CNTLN: variants seen among roughly 807,000 people sequenced by gnomAD.
CNTLN encodes centlein, centrosomal protein.
CNTLN carries 212 observed loss-of-function variants against 180.0 expected under a neutral mutation model. The ratio of observed to expected loss-of-function variants is 1.18; its 90% CI spans 1.05 to 1.32. The LOEUF is 1.32. CNTLN is among the 40% of genes most tolerant of loss of function. The pLI is 0.00. For synonymous variants in CNTLN, 722 were observed against 563.1 expected, an observed-to-expected ratio of 1.28 and a Z score of -3.99; for missense variants, 2,095 against 1,610.9, an observed-to-expected ratio of 1.30 and a Z score of -5.14.
chr9:17,321,692 G>A (rs976430607), intron 8 of CNTLN, among the ~76,000 whole-genome samples: 1 of 152,266 alleles, frequency 6.6e-6, no homozygotes, highest in Non-Finnish European at 1.5e-5. Flanking sequence ...AGGTGGTAGG[G>A]AGAAGATCTG....
At chr9:17,451,565 A>G (rs960677588) in intron 18 of CNTLN, among the ~76,000 whole-genome samples, 1 of 152,136 alleles carries the variant, frequency 6.6e-6, no homozygotes, top group African/African-American at 2.4e-5. Context: ...AGAGTACATT[A>G]TTGTTATAGA....
intron 7 of CNTLN, chr9:17,300,895 C>T: frequency 1.2e-6 from 1 of 818,670 alleles, no homozygotes. Context: ...GAAAGCTTTC[C>T]TGCCCAGTTA....
chr9:17,302,835 T>G (rs1328232750), intron 7 of CNTLN, among the ~76,000 whole-genome samples: 1 of 152,170 alleles, frequency 6.6e-6, no homozygotes, highest in Admixed American at 6.6e-5. Context: ...TCCAGTTAGA[T>G]CACAGTTATA....
At chr9:17,500,922 CT>C (rs1166025685) in intron 25 of CNTLN, among the ~76,000 whole-genome samples, 1 of 152,058 alleles carries the variant, frequency 6.6e-6, no homozygotes, top group Non-Finnish European at 1.5e-5. Flanking sequence ...CAAGGTAACT[CT>C]TTTTTACATC....
At chr9:17,501,843 T>G (rs1833767449) in intron 25 of CNTLN, among the ~76,000 whole-genome samples, 1 of 152,190 alleles carries the variant, frequency 6.6e-6, no homozygotes, top group Non-Finnish European at 1.5e-5. Context: ...CATTTCAGAT[T>G]GTCTTTTACT....
chr9:17,396,546 T>G (rs1216564393), intron 15 of CNTLN, among the ~76,000 whole-genome samples: 1 of 152,216 alleles, frequency 6.6e-6, no homozygotes, highest in Admixed American at 6.5e-5. Flanking sequence ...TTTAAATCCC[T>G]AATAGTGATT....
intron 25 of CNTLN, among the ~76,000 whole-genome samples, chr9:17,499,673 A>G (rs775087951): frequency 2.6e-5 from 4 of 152,148 alleles, no homozygotes; most frequent in Non-Finnish European, 4.4e-5. Flanking sequence ...ACATAAGTAG[A>G]TTTTACAAAA....
intron 18 of CNTLN, among the ~76,000 whole-genome samples, chr9:17,449,829 G>A (rs1213987355): frequency 1.3e-5 from 2 of 152,082 alleles, no homozygotes; most frequent in Non-Finnish European, 2.9e-5. Context: ...TGCTATAAAG[G>A]CATATAATGT....
chr9:17,337,135 C>T lies in CNTLN; in HGVS notation c.1645-3692C>T, dbSNP rs144698513. Among the ~76,000 whole-genome samples, 236 of 152,086 alleles carry T rather than the reference C, an allele frequency of 1.6e-3. 3 individuals carry two copies. The highest frequency in any genetic ancestry group is 5.0e-3 in the African/African-American group (209 of 41,498). ...TTGAGAAGTGTCTGTTCATATCCTT[C>T]GCCCACTTTTTGATGGGGTTGTTTG... On this transcript the variant is annotated intron_variant, in intron 10 of 25. Transcript: ENST00000380647.
intron 11 of CNTLN, among the ~76,000 whole-genome samples, chr9:17,342,026 C>G (rs544302052): frequency 1.3e-5 from 2 of 151,810 alleles, no homozygotes; most frequent in African/African-American, 4.8e-5. Flanking sequence ...CGGGGGGGAC[C>G]GTTAAAATTC....
intron 1 of CNTLN, among the ~76,000 whole-genome samples, chr9:17,141,971 A>G (rs1469164924): frequency 6.6e-6 from 1 of 151,482 alleles, no homozygotes; most frequent in African/African-American, 2.4e-5. Flanking sequence ...AGTTCCAGCT[A>G]CTCAGGAGGC....
At chr9:17,412,071 T>C (rs1200987775) in intron 16 of CNTLN, among the ~76,000 whole-genome samples, 1 of 148,192 alleles carries the variant, frequency 6.7e-6, no homozygotes, top group African/African-American at 2.5e-5. Context: ...ATTAACTAAG[T>C]CCCCCTCCAT....
chr9:17,509,118 G>C, the CNTLN span, among the ~76,000 whole-genome samples: 1 of 152,216 alleles, frequency 6.6e-6, no homozygotes, highest in South Asian at 2.1e-4. Flanking sequence ...TGGCCATGGT[G>C]GCAGGGATAG....
intron 13 of CNTLN, among the ~76,000 whole-genome samples, chr9:17,384,855 A>G (rs1404740644): frequency 6.6e-6 from 1 of 152,046 alleles, no homozygotes; most frequent in Non-Finnish European, 1.5e-5. Flanking sequence ...CAACTAACTC[A>G]TTGCTTCTCT....
At chr9:17,350,554 A>G (rs553872010) in intron 12 of CNTLN, among the ~76,000 whole-genome samples, 3 of 152,150 alleles carry the variant, frequency 2.0e-5, no homozygotes, top group Non-Finnish European at 4.4e-5. Flanking sequence ...AAAAAGAGGT[A>G]ACGCAAATCT....
rs914974313 is a variant in CNTLN at position 17,394,645 on chromosome 9, C to T, written c.2191C>T (p.Gln731Ter). Residue 731 changes from glutamine to a stop codon, truncating the protein, a stop_gained, in exon 15 of 26, where the codon CAG becomes TAG. Transcript: ENST00000380647. LOFTEE classifies it high-confidence loss of function. ...ENDFLKSLLK[Q>*]QQEDTETREK... Reference sequence around the variant, plus strand: ...TGATTTTCTGAAATCCCTCTTAAAACAGCAACAAGAAGATACAGAGACCAG... The same window carrying T: ...TGATTTTCTGAAATCCCTCTTAAAATAGCAACAAGAAGATACAGAGACCAG... 1.3e-5 allele frequency: 21 copies of T among 1,610,300 alleles called. No homozygotes were observed. The highest frequency in any genetic ancestry group is 1.7e-5 in the Admixed American group (1 of 59,538).
chr9:17,262,633 G>T (rs1176146606), intron 5 of CNTLN, among the ~76,000 whole-genome samples: 3 of 151,240 alleles, frequency 2.0e-5, no homozygotes, highest in African/African-American at 7.4e-5. Context: ...ATATTTCGGG[G>T]TTAACACCTA....
intron 2 of CNTLN, among the ~76,000 whole-genome samples, chr9:17,147,418 T>C (rs996871322): frequency 6.6e-6 from 1 of 152,138 alleles, no homozygotes; most frequent in Admixed American, 6.6e-5. Context: ...ATTGTTTTGA[T>C]TCCTGTGGGC....
chr9:17,392,018 C>G (rs956547531), intron 14 of CNTLN, among the ~76,000 whole-genome samples: 1 of 152,104 alleles, frequency 6.6e-6, no homozygotes, highest in Non-Finnish European at 1.5e-5. Context: ...CATACTGCTT[C>G]TTAATAATAT....
Sources: allele counts gnomAD v4.1 joint callset (sites outside exome capture counted in the v4.1 genomes callset), GRCh38; gene constraint gnomAD v4.1.1; transcripts MANE v1.5; gene names NCBI Gene and HGNC (gene_info 2026-07-23, HGNC 2026-07-21).